Variants in LRRC37A3 observed in about 807,000 individuals in gnomAD.
The protein encoded by LRRC37A3 is leucine rich repeat containing 37 member A3, also known as leucine-rich repeat-containing protein 37A3.
In LRRC37A3, 25 loss-of-function variants were observed where a neutral mutation model predicts 106.2. That is an observed-to-expected ratio of 0.24 (90% confidence interval 0.17 to 0.33). LRRC37A3 has a LOEUF of 0.33. LRRC37A3 is among the 10% of genes least tolerant of loss of function. LRRC37A3 has a pLI of 1.00. For missense variants in LRRC37A3, 712 were observed against 1,644.9 expected, an observed-to-expected ratio of 0.43 and a Z score of 9.81; for synonymous variants, 305 against 635.8, an observed-to-expected ratio of 0.48 and a Z score of 7.83.
intron 10 of LRRC37A3, among the ~76,000 whole-genome samples, chr17:64,866,628 ATTTTT>A (rs1183521580): frequency 1.1e-3 from 20 of 17,862 alleles, no homozygotes; most frequent in African/African-American, 4.5e-3. Flanking sequence ...ATATATATAT[ATTTTT>A]TTTTTTTTTT....
At chr17:64,866,618 ATATATATATATTTTT>A (rs1414377502) in intron 10 of LRRC37A3, among the ~76,000 whole-genome samples, 1 of 24,804 alleles carries the variant, frequency 4.0e-5, no homozygotes, top group African/African-American at 2.1e-4. Flanking sequence ...ATATATATAT[ATATATATATATTTTT>A]TTTTTTTTTT....
Position 64,860,687 on chromosome 17 carries a change from C to A in LRRC37A3, c.3459G>T (p.Lys1153Asn). ...GCCGGTTTTTGCCTACAGTTTGAAT[C>A]TTTGCCAGGCTGTTTCCTGTGGTTG... is the stretch of plus-strand genomic sequence containing the variant. Reference protein sequence around the residue: ...KLPTTGNSLAKIQTVGKNRQR... With the variant: ...KLPTTGNSLANIQTVGKNRQR... Residue 1153 changes from lysine (K) to asparagine (N), a missense_variant, in exon 12 of 15, where the codon AAG (lysine) becomes AAT (asparagine). By Grantham distance (94) the Lys-to-Asn change is moderately conservative. Coordinates refer to ENST00000584306, the MANE Select transcript of LRRC37A3 (RefSeq NM_199340.5). 3.1e-6 allele frequency: 5 copies of A among 1,614,010 alleles called. No individual in the cohort carries two copies. The highest frequency in any genetic ancestry group is 4.2e-6 in the Non-Finnish European group (5 of 1,179,880).
chr17:64,876,313 G>C (rs554226960), intron 8 of LRRC37A3, among the ~76,000 whole-genome samples: 2 of 152,292 alleles, frequency 1.3e-5, no homozygotes, highest in African/African-American at 4.8e-5. Flanking sequence ...CACCTGAGTA[G>C]CTGTGACTAC....
In LRRC37A3 at chr17:64,867,265, G is replaced by A. The variant is rs377231450; in HGVS notation, c.3053+1197C>T. ...GGTTAGAGTGCAGTGGTGCAATCTCGGCTCATTGCAACCTCCACCTCTCAA... is the reference window on the plus strand; with the variant it reads ...GGTTAGAGTGCAGTGGTGCAATCTCAGCTCATTGCAACCTCCACCTCTCAA... On this transcript the variant is annotated intron_variant, in intron 10 of 14. Coordinates refer to ENST00000584306, the MANE Select transcript of LRRC37A3 (RefSeq NM_199340.5). Among the ~76,000 whole-genome samples, 85 of 148,268 alleles carry A rather than the reference G, an allele frequency of 5.7e-4. 1 individual carries two copies. The East Asian group carries it at 0.014, about 25-fold the overall frequency.
chr17:64,911,234 T>A (rs1974583720), intron 2 of LRRC37A3, among the ~76,000 whole-genome samples: 1 of 146,388 alleles, frequency 6.8e-6, no homozygotes, highest in Non-Finnish European at 1.5e-5. Flanking sequence ...GAAGTTCTAG[T>A]ATTACCACTG....
intron 10 of LRRC37A3, among the ~76,000 whole-genome samples, chr17:64,864,394 T>A (rs2143404531): frequency 6.6e-6 from 1 of 152,298 alleles, no homozygotes; most frequent in East Asian, 1.9e-4. Context: ...TTAAAGGAAA[T>A]GAAGACATGA....
chr17:64,876,949 G>A (rs1335232236), intron 8 of LRRC37A3: 1 of 152,102 alleles, frequency 6.6e-6, no homozygotes, highest in Admixed American at 6.6e-5. Flanking sequence ...TATTTCTTAT[G>A]AATGTAGATG....
intron 10 of LRRC37A3, 67 bp from the exon 11 acceptor site, chr17:64,863,085 G>A: frequency 6.3e-6 from 10 of 1,582,808 alleles, no homozygotes; most frequent in Non-Finnish European, 6.9e-6. Context: ...AAAGGAGGCA[G>A]CCAACACTAC....
chr17:64,854,265 C>T lies in LRRC37A3; in HGVS notation c.*334G>A, dbSNP rs1972602219. 2.1e-6 allele frequency: 1 copy of T among 477,458 alleles called. No individual in the cohort carries two copies. 29.6% of individuals were successfully genotyped at this position (477,458 alleles called of 1,614,324 possible). ...GCTTGGCCCCACAGTGCAGGTAGGC[C>T]CAGTGATCCTATGATAGGGGCCAGG... On this transcript the variant is annotated 3_prime_UTR_variant, in exon 15 of 15. Coordinates refer to ENST00000584306, the MANE Select transcript of LRRC37A3 (RefSeq NM_199340.5).
At chr17:64,868,370 AT>A (rs1973190219) in intron 10 of LRRC37A3, 91 bp downstream of exon 10, 15 of 1,305,926 alleles carry the variant, frequency 1.1e-5, no homozygotes, top group Non-Finnish European at 1.6e-5. Flanking sequence ...CTATATGAAA[AT>A]TATACCTCAA....
intron 8 of LRRC37A3, among the ~76,000 whole-genome samples, chr17:64,881,786 G>A (rs1973708754): frequency 6.6e-6 from 1 of 150,972 alleles, no homozygotes; most frequent in African/African-American, 2.5e-5. Context: ...GCAATGCGCT[G>A]GACACAGTGC....
At chr17:64,858,145 A>G (rs1972742786) in intron 13 of LRRC37A3, among the ~76,000 whole-genome samples, 1 of 152,200 alleles carries the variant, frequency 6.6e-6, no homozygotes, top group African/African-American at 2.4e-5. Flanking sequence ...ATGGTGTCCA[A>G]GAAATGGTGA....
intron 2 of LRRC37A3, chr17:64,909,679 A>C (rs1430984166): frequency 6.6e-6 from 1 of 152,410 alleles, no homozygotes; most frequent in South Asian, 2.1e-4. Context: ...GATGCAAGGG[A>C]AGCAAAAAAG....
intron 14 of LRRC37A3, among the ~76,000 whole-genome samples, chr17:64,855,604 G>A (rs1972649002): frequency 6.6e-6 from 1 of 150,952 alleles, no homozygotes; most frequent in African/African-American, 2.5e-5. Flanking sequence ...TGAAAAATGA[G>A]GGCAGAGTTC....
chr17:64,863,113 G>C, intron 10 of LRRC37A3, 95 bp from the exon 11 acceptor site: 1 of 1,541,716 alleles, frequency 6.5e-7, no homozygotes, highest in Non-Finnish European at 8.9e-7. Context: ...GTGGGAAAAA[G>C]GTATCATTGA....
Position 64,870,909 on chromosome 17 carries a change from G to A in LRRC37A3, c.2907-1743C>T, listed in dbSNP as rs1199384321. 2.1e-5 allele frequency among the ~76,000 whole-genome samples: 3 copies of A among 143,258 alleles called. No homozygotes were observed. In the Admixed American group the frequency reaches 2.1e-4, roughly 10 times the overall value. The allele number at this position is 143,258 out of a possible 152,430, so 94.0% of individuals were successfully genotyped here. A position where few individuals can be genotyped will look rare whatever the true frequency, so the allele number is the denominator to read the frequency against. ...CACCCAAACAGGGTCTTGCTCCATT[G>A]ACCAGGCTGGAGTGCAGTGGTGTGA... On this transcript the variant is annotated intron_variant, in intron 8 of 14. Transcript: ENST00000584306.
intron 1 of LRRC37A3, 58 bp downstream of exon 1, chr17:64,919,373 C>A: frequency 3.5e-6 from 1 of 287,544 alleles, no homozygotes; most frequent in East Asian, 5.3e-5. Flanking sequence ...GCAGGAGGGG[C>A]CCGGCCTGCG....
Position 64,860,947 on chromosome 17 carries a change from C to G in LRRC37A3, c.3199G>C (p.Glu1067Gln), listed in dbSNP as rs1598392235. ...CPEEASVGNP[E>Q]GAFMKVLQAR... Reference sequence around the variant, plus strand: ...TGTAACACCTTCATGAACGCTCCTTCTGGATTCCCTACAGATGCTTCTTCA... The same window carrying G: ...TGTAACACCTTCATGAACGCTCCTTGTGGATTCCCTACAGATGCTTCTTCA... Residue 1067 changes from glutamate (E) to glutamine (Q), a missense_variant, in exon 12 of 15, where the codon GAA becomes CAA. Coordinates refer to ENST00000584306, the MANE Select transcript of LRRC37A3 (RefSeq NM_199340.5). 1 of 1,613,876 alleles carries G rather than the reference C, an allele frequency of 6.2e-7. No individual in the cohort carries two copies.
At chr17:64,861,231 G>C (rs527689043) in intron 11 of LRRC37A3, among the ~76,000 whole-genome samples, 1 of 152,064 alleles carries the variant, frequency 6.6e-6, no homozygotes, top group Admixed American at 6.5e-5. Flanking sequence ...GGATTATTTC[G>C]TTGATCCCCA....
Sources: gnomAD v4.1 joint callset for allele counts (sites outside exome capture counted in the v4.1 genomes callset) on GRCh38, gnomAD v4.1.1 for gene constraint, MANE v1.5 for transcripts, NCBI Gene and HGNC (gene_info 2026-07-23, HGNC 2026-07-21) for gene names.